LDB2: variants seen among roughly 807,000 people sequenced by gnomAD.
LDB2 encodes LIM domain binding 2, also known as LIM domain-binding protein 2.
In LDB2, 12 loss-of-function variants were observed where a neutral mutation model predicts 44.3. The observed-to-expected ratio is 0.27, with a 90% CI of 0.17 to 0.44. The LOEUF (loss-of-function observed/expected upper bound fraction) is 0.44, where lower values mean the gene tolerates loss of function less well. Among genes scored for constraint, LDB2 ranks in the 20% least tolerant of loss-of-function variants. LDB2 has a pLI of 1.00. For synonymous variants in LDB2, 164 were observed against 174.8 expected, an observed-to-expected ratio of 0.94 and a Z score of 0.49; for missense variants, 344 against 473.5, an observed-to-expected ratio of 0.73 and a Z score of 2.54.
At chr4:16,841,214 C>T (rs141531814) in intron 1 of LDB2, among the ~76,000 whole-genome samples, 2 of 151,716 alleles carry the variant, frequency 1.3e-5, no homozygotes, top group African/African-American at 2.4e-5. Context: ...CCATAGCTAG[C>T]TTTGACATTT....
In LDB2 at chr4:16,739,595, T is replaced by G. The variant is rs868673700; in HGVS notation, c.235+19563A>C. Among the ~76,000 whole-genome samples the G allele has an allele frequency of 1.1e-3, 92 of 86,298 alleles. 13 individuals are homozygous for G. In the South Asian group the frequency reaches 0.027, roughly 26 times the overall value. 56.6% of individuals were successfully genotyped at this position (86,298 alleles called of 152,430 possible). Reference sequence around the variant, plus strand: ...AGGGAAAAAAAAAAAAAAAAATATATATATATATATATATGTATATATACA... The same window carrying G: ...AGGGAAAAAAAAAAAAAAAAATATAGATATATATATATATGTATATATACA... On this transcript the variant is annotated intron_variant, in intron 2 of 7. Coordinates refer to ENST00000304523, the MANE Select transcript of LDB2 (RefSeq NM_001290.5).
chr4:16,782,470 C>A (rs542119217), intron 1 of LDB2, among the ~76,000 whole-genome samples: 8 of 152,080 alleles, frequency 5.3e-5, no homozygotes, highest in Non-Finnish European at 1.0e-4. Flanking sequence ...CCTGCCTCAG[C>A]CTCCCAGGTA....
intron 7 of LDB2, among the ~76,000 whole-genome samples, chr4:16,505,678 CTG>C (rs1719125290): frequency 6.6e-6 from 1 of 151,672 alleles, no homozygotes; most frequent in Non-Finnish European, 1.5e-5. Flanking sequence ...CATCTCTATC[CTG>C]TGTGTCCACG....
chr4:16,609,829 C>A (rs971928077), intron 2 of LDB2, among the ~76,000 whole-genome samples: 1 of 152,016 alleles, frequency 6.6e-6, no homozygotes, highest in Admixed American at 6.5e-5. Context: ...CCCCTCTCAG[C>A]GAAACACACT....
intron 1 of LDB2, among the ~76,000 whole-genome samples, chr4:16,833,962 A>G (rs1784484185): frequency 6.6e-6 from 1 of 152,172 alleles, no homozygotes; most frequent in South Asian, 2.1e-4. Flanking sequence ...CTCTTACCCA[A>G]TGTCCATGGT....
rs555954331 is a variant in LDB2 at position 16,831,418 on chromosome 4, A to G, written c.132+66936T>C. ...GTTTTGAAGAGAAGAGAGAGACATG[A>G]TCTGACCTACATTTTCAAAAGCTTA... On this transcript the variant is annotated intron_variant, in intron 1 of 7. Transcript: ENST00000304523. Among the ~76,000 whole-genome samples, 80 of 152,206 alleles carry G rather than the reference A, an allele frequency of 5.3e-4. 1 individual carries two copies. The highest frequency in any genetic ancestry group is 6.6e-4 in the Non-Finnish European group (45 of 68,008).
intron 1 of LDB2, among the ~76,000 whole-genome samples, chr4:16,859,668 G>A (rs1711821384): frequency 6.6e-6 from 1 of 152,124 alleles, no homozygotes. Context: ...AAGCTGGGAG[G>A]GGCCATCTTT....
intron 1 of LDB2, among the ~76,000 whole-genome samples, chr4:16,787,532 T>A (rs1774724648): frequency 6.6e-6 from 1 of 152,102 alleles, no homozygotes; most frequent in Non-Finnish European, 1.5e-5. Context: ...GAGAATCACT[T>A]GAACCCAGGA....
chr4:16,520,441 T>A (rs1252805454), intron 5 of LDB2, among the ~76,000 whole-genome samples: 1 of 152,166 alleles, frequency 6.6e-6, no homozygotes, highest in Non-Finnish European at 1.5e-5. Context: ...GCGATGCAAG[T>A]CCAAAACATC....
intron 2 of LDB2, among the ~76,000 whole-genome samples, chr4:16,681,145 C>A (rs916506181): frequency 3.9e-5 from 6 of 151,976 alleles, no homozygotes; most frequent in African/African-American, 1.5e-4. Context: ...TTACATGAAC[C>A]CTTTAAAAAC....
In LDB2 at chr4:16,588,710, A is replaced by G. The variant is rs759681472; in HGVS notation, c.531T>C (p.His177=). Residue 177 remains histidine, a splice_region_variant and synonymous_variant, in exon 4 of 8, where the codon CAT becomes CAC. Transcript: ENST00000304523. ...ELVPRSILAM[H]AQDPQVLDQL... ...GCAAAACAGAAATTAAATTACTTAC[A>G]TGCATGGCTAGGATGCTTCTCGGGA... 6.2e-7 allele frequency: 1 copy of G among 1,612,276 alleles called. No homozygotes were observed. The highest frequency in any genetic ancestry group is 8.5e-7 in the Non-Finnish European group (1 of 1,179,412).
chr4:16,870,916 G>A (rs1363948076), intron 1 of LDB2, among the ~76,000 whole-genome samples: 1 of 152,164 alleles, frequency 6.6e-6, no homozygotes, highest in Non-Finnish European at 1.5e-5. Context: ...TTACAGGCAT[G>A]AGCCACCATG....
intron 5 of LDB2, among the ~76,000 whole-genome samples, chr4:16,563,424 ATCAGATTTTTTTT>A (rs1743201319): frequency 1.6e-5 from 2 of 123,768 alleles, no homozygotes; most frequent in African/African-American, 6.5e-5. Flanking sequence ...CTCATCAGTC[ATCAGATTTTTTTT>A]TTTTTTTTTT....
At chr4:16,545,787 C>T (rs1017377084) in intron 5 of LDB2, among the ~76,000 whole-genome samples, 2 of 152,176 alleles carry the variant, frequency 1.3e-5, no homozygotes, top group Non-Finnish European at 2.9e-5. Context: ...TCCCAAAGCC[C>T]CAGCCATCTT....
chr4:16,659,261 G>T (rs1226269955), intron 2 of LDB2, among the ~76,000 whole-genome samples: 5 of 152,124 alleles, frequency 3.3e-5, no homozygotes, highest in Admixed American at 2.6e-4. Flanking sequence ...GTTTGCAAAG[G>T]CTCATTTTCC....
chr4:16,710,367 C>T (rs1166681547), intron 2 of LDB2, among the ~76,000 whole-genome samples: 3 of 152,118 alleles, frequency 2.0e-5, no homozygotes, highest in African/African-American at 7.2e-5. Context: ...AATCAACCGA[C>T]AGCTTTAAAA....
intron 2 of LDB2, among the ~76,000 whole-genome samples, chr4:16,630,549 G>T (rs969672057): frequency 6.6e-6 from 1 of 152,228 alleles, no homozygotes; most frequent in Admixed American, 6.5e-5. Flanking sequence ...GAAAACACCA[G>T]CTAGCATCAT....
intron 2 of LDB2, among the ~76,000 whole-genome samples, chr4:16,722,937 A>G (rs146666927): frequency 0.011 from 1,676 of 152,196 alleles, 31 homozygotes; most frequent in African/African-American, 0.037. Flanking sequence ...ATGCTCCTCA[A>G]TTTCTGATAG....
intron 1 of LDB2, among the ~76,000 whole-genome samples, chr4:16,880,415 A>G (rs2110425235): frequency 6.6e-6 from 1 of 152,144 alleles, no homozygotes; most frequent in African/African-American, 2.4e-5. Flanking sequence ...GAAGCTTTTC[A>G]TTTTCACAAA....
Sources: gnomAD v4.1 joint callset for allele counts (sites outside exome capture counted in the v4.1 genomes callset) on GRCh38, gnomAD v4.1.1 for gene constraint, MANE v1.5 for transcripts, NCBI Gene and HGNC (gene_info 2026-07-23, HGNC 2026-07-21) for gene names.